SGCZ: variants seen among roughly 807,000 people sequenced by gnomAD.
SGCZ encodes zeta-sarcoglycan.
A neutral mutation model predicts 41.3 loss-of-function variants in SGCZ; 40 were observed. The ratio of observed to expected loss-of-function variants is 0.97; its 90% CI spans 0.75 to 1.26. The LOEUF is 1.26. Among genes scored for constraint, SGCZ ranks in the 50% most tolerant of loss-of-function variants. The pLI is 0.00. For synonymous variants in SGCZ, 206 were observed against 137.5 expected (o/e 1.50, Z -3.49); for missense variants, 552 against 369.8 (o/e 1.49, Z -4.04).
At chr8:14,552,230 C>T (rs1406886910) in intron 2 of SGCZ, among the ~76,000 whole-genome samples, 1 of 152,016 alleles carries the variant, frequency 6.6e-6, no homozygotes, top group Non-Finnish European at 1.5e-5. Context: ...TTATTTCACA[C>T]CCTTCAAGTA....
At chr8:14,974,849 G>A (rs1386378101) in intron 1 of SGCZ, among the ~76,000 whole-genome samples, 1 of 139,536 alleles carries the variant, frequency 7.2e-6, no homozygotes, top group African/African-American at 2.8e-5. Flanking sequence ...CGAATGAAGA[G>A]GGAAGTGATT....
At chr8:14,738,467 C>T (rs1221925463) in intron 1 of SGCZ, among the ~76,000 whole-genome samples, 1 of 152,056 alleles carries the variant, frequency 6.6e-6, no homozygotes, top group Non-Finnish European at 1.5e-5. Context: ...TTTAATTTTT[C>T]TTCCCCCAGT....
At chr8:14,478,870 G>C (rs981038632) in intron 2 of SGCZ, among the ~76,000 whole-genome samples, 2 of 152,012 alleles carry the variant, frequency 1.3e-5, no homozygotes, top group African/African-American at 4.8e-5. Context: ...TAGTAATCTG[G>C]CAAGAACTTC....
At chr8:14,104,598 C>CAAAT (rs1264601272) in intron 6 of SGCZ, among the ~76,000 whole-genome samples, 1 of 152,016 alleles carries the variant, frequency 6.6e-6, no homozygotes, top group African/African-American at 2.4e-5. Flanking sequence ...GGAAAGAAAG[C>CAAAT]AAATACCCTA....
At chr8:14,834,699 G>C (rs1357364709) in intron 1 of SGCZ, among the ~76,000 whole-genome samples, 1 of 152,126 alleles carries the variant, frequency 6.6e-6, no homozygotes, top group Non-Finnish European at 1.5e-5. Flanking sequence ...TTGTCACATA[G>C]TCCCAACTAA....
At chr8:14,289,965 T>A (rs992535324) in intron 3 of SGCZ, among the ~76,000 whole-genome samples, 10 of 151,558 alleles carry the variant, frequency 6.6e-5, no homozygotes, top group African/African-American at 2.2e-4. Flanking sequence ...AGTGAGTGAG[T>A]GGCGAACCAC....
At chr8:14,091,736 G>A (rs1479316291) in intron 7 of SGCZ, among the ~76,000 whole-genome samples, 2 of 152,082 alleles carry the variant, frequency 1.3e-5, no homozygotes, top group Non-Finnish European at 2.9e-5. Flanking sequence ...TTAACCGTTT[G>A]TCAGATGGAC....
intron 1 of SGCZ, among the ~76,000 whole-genome samples, chr8:14,831,015 A>G (rs1021333410): frequency 3.3e-5 from 5 of 151,996 alleles, no homozygotes; most frequent in Admixed American, 1.3e-4. Flanking sequence ...ATCTTATTTG[A>G]CTCCTAAGTA....
At chr8:14,474,824 AT>A (rs35202135) in intron 2 of SGCZ, among the ~76,000 whole-genome samples, 3 of 152,042 alleles carry the variant, frequency 2.0e-5, no homozygotes, top group South Asian at 2.1e-4. Flanking sequence ...GAGATATTGG[AT>A]TTTTTTTAAA....
chr8:14,275,624 AG>A (rs1332743086), intron 3 of SGCZ, among the ~76,000 whole-genome samples: 1 of 152,130 alleles, frequency 6.6e-6, no homozygotes, highest in East Asian at 1.9e-4. Context: ...GTCCTGAGCT[AG>A]TGTTAGCACT....
At chr8:14,336,975 T>G (rs1802525524) in intron 2 of SGCZ, among the ~76,000 whole-genome samples, 1 of 152,132 alleles carries the variant, frequency 6.6e-6, no homozygotes, top group Admixed American at 6.6e-5. Context: ...CTGGCACTGT[T>G]CCAGGTGTAC....
At chr8:14,380,930 A>C (rs1327909074) in intron 2 of SGCZ, among the ~76,000 whole-genome samples, 2 of 152,188 alleles carry the variant, frequency 1.3e-5, no homozygotes, top group African/African-American at 4.8e-5. Context: ...CATGTTCTTA[A>C]TTCCAATATC....
In SGCZ at chr8:15,235,782, C is replaced by T. The variant is rs978592030; in HGVS notation, c.39+1803G>A. Among the ~76,000 whole-genome samples, 8 of 152,266 alleles carry T rather than the reference C, an allele frequency of 5.3e-5. No individual in the cohort carries two copies. In the East Asian group the frequency reaches 7.7e-4, roughly 15 times the overall value. On this transcript the variant is annotated intron_variant, in intron 1 of 7. Transcript: ENST00000382080. The stretch of plus-strand genomic sequence containing the variant: ...CTCCCTTCCATTTCTCTTAACAGAA[C>T]GCTCTCTTCTGTGTCATACCCTAAA...
At chr8:14,306,388 T>C (rs750112620) in intron 3 of SGCZ, among the ~76,000 whole-genome samples, 27 of 152,236 alleles carry the variant, frequency 1.8e-4, no homozygotes, top group Non-Finnish European at 3.4e-4. Flanking sequence ...ATTAACTATT[T>C]AGCCAATTTC....
intron 1 of SGCZ, among the ~76,000 whole-genome samples, chr8:14,752,809 G>C (rs971764965): frequency 6.6e-6 from 1 of 152,172 alleles, no homozygotes; most frequent in Non-Finnish European, 1.5e-5. Context: ...TTATACTGGG[G>C]AGATGATGCT....
chr8:14,712,238 TC>T lies in SGCZ; in HGVS notation c.40-157313del, dbSNP rs1224509885. ...TTTTGAGAATACCTTATAAAAGTAT[TC>T]CCCCTCTCCCTCCTTCAGCTCCGTC... On this transcript the variant is annotated intron_variant, in intron 1 of 7. Coordinates refer to ENST00000382080, the MANE Select transcript of SGCZ (RefSeq NM_139167.4). Among the ~76,000 whole-genome samples, 157 of 152,332 alleles carry T rather than the reference TC, an allele frequency of 1.0e-3. 2 individuals are homozygous for T. The highest frequency in any genetic ancestry group is 3.6e-3 in the African/African-American group (151 of 41,584).
chr8:14,341,425 C>G (rs1802700957), intron 2 of SGCZ, among the ~76,000 whole-genome samples: 1 of 152,174 alleles, frequency 6.6e-6, no homozygotes, highest in Non-Finnish European at 1.5e-5. Flanking sequence ...CACATCATCA[C>G]TAACACTTGT....
chr8:14,469,142 G>A (rs566820574), intron 2 of SGCZ, among the ~76,000 whole-genome samples: 2 of 152,014 alleles, frequency 1.3e-5, no homozygotes, highest in South Asian at 4.1e-4. Context: ...TGCTTCAATG[G>A]TGCCCTATCA....
At chr8:14,482,032 G>A (rs3848992) in intron 2 of SGCZ, among the ~76,000 whole-genome samples, 111,543 of 151,992 alleles carry the variant, frequency 0.73, 41,829 homozygotes, top group East Asian at 0.95. Flanking sequence ...TGAGTTAAAG[G>A]GACAGAAATG....
Sources: gnomAD v4.1 joint callset for allele counts (sites outside exome capture counted in the v4.1 genomes callset) on GRCh38, gnomAD v4.1.1 for gene constraint, MANE v1.5 for transcripts, NCBI Gene and HGNC (gene_info 2026-07-23, HGNC 2026-07-21) for gene names.